The following MECOM variants were observed in gnomAD, a reference collection of about 807,000 sequenced individuals.
MECOM encodes histone-lysine N-methyltransferase MECOM.
A neutral mutation model predicts 116.3 loss-of-function variants in MECOM; 13 were observed. The ratio of observed to expected loss-of-function variants is 0.11; its 90% CI spans 0.07 to 0.18. MECOM has a LOEUF of 0.18. Ranked by LOEUF, MECOM falls within the 10% of genes least tolerant of loss-of-function variation. The pLI is 1.00. For missense variants in MECOM, 1,299 were observed against 1,509.0 expected, an observed-to-expected ratio of 0.86 and a Z score of 2.31; for synonymous variants, 528 against 535.2, an observed-to-expected ratio of 0.99 and a Z score of 0.19.
chr3:169,100,180 C>A (rs1286591706), intron 12 of MECOM, among the ~76,000 whole-genome samples: 1 of 147,286 alleles, frequency 6.8e-6, no homozygotes, highest in African/African-American at 2.5e-5. Context: ...CTCACTGCAA[C>A]CTCCACCTCC....
chr3:169,087,578 C>T (rs1718228857), intron 16 of MECOM, among the ~76,000 whole-genome samples: 1 of 152,098 alleles, frequency 6.6e-6, no homozygotes, highest in Admixed American at 6.6e-5. Context: ...GTCTTAGCAG[C>T]TGAGTGAGAC....
At chr3:169,420,049 C>T (rs1240784201) in intron 1 of MECOM, among the ~76,000 whole-genome samples, 5 of 152,102 alleles carry the variant, frequency 3.3e-5, no homozygotes, top group Non-Finnish European at 7.4e-5. Flanking sequence ...CAAATCAAAA[C>T]CATAATTAGA....
In MECOM at chr3:169,495,154, G is replaced by A. The variant is rs116714076; in HGVS notation, c.38-113630C>T. 1.8e-3 allele frequency among the ~76,000 whole-genome samples: 281 copies of A among 152,054 alleles called. 1 individual carries two copies. Among genetic ancestry groups the A allele is most frequent in the Middle Eastern group, 0.01 (3 of 294 alleles). ...TTTCATCAGTGCTATTTTCCAACCC[G>A]TTAATCATTTTCATTGCTCTCCCCT... is the stretch of plus-strand genomic sequence containing the variant. On this transcript the variant is annotated intron_variant, in intron 1 of 16. Coordinates refer to ENST00000651503, the MANE Select transcript of MECOM (RefSeq NM_004991.4).
chr3:169,606,418 A>G (rs928916513), intron 1 of MECOM, among the ~76,000 whole-genome samples: 13 of 151,948 alleles, frequency 8.6e-5, no homozygotes, highest in South Asian at 4.2e-4. Context: ...CAAAAAAAAA[A>G]AAAAAGAAAA....
chr3:169,155,221 G>A (rs763040941), intron 2 of MECOM, among the ~76,000 whole-genome samples: 12 of 152,190 alleles, frequency 7.9e-5, no homozygotes, highest in Admixed American at 2.0e-4. Flanking sequence ...TTGATGCAGT[G>A]ATGATTCTTT....
chr3:169,647,336 T>G lies in MECOM; in HGVS notation c.37+16000A>C, dbSNP rs972307758. On this transcript the variant is annotated intron_variant, in intron 1 of 16. Coordinates refer to ENST00000651503, the MANE Select transcript of MECOM (RefSeq NM_004991.4). ...TGTGAGGATTAACTGCAGTGACGCA[T>G]GAACACTCAACAACCTTGACTGGCG... Among the ~76,000 whole-genome samples the G allele has an allele frequency of 4.6e-5, 7 of 152,360 alleles. No homozygotes were observed. In the South Asian group the frequency reaches 1.2e-3, roughly 27 times the overall value.
At chr3:169,247,210 T>C (rs1009079451) in intron 2 of MECOM, among the ~76,000 whole-genome samples, 3 of 152,190 alleles carry the variant, frequency 2.0e-5, no homozygotes, top group African/African-American at 7.2e-5. Flanking sequence ...TCATTCAGTA[T>C]TATTTAAAAA....
intron 1 of MECOM, among the ~76,000 whole-genome samples, chr3:169,646,868 T>A (rs1362227830): frequency 6.6e-6 from 1 of 152,124 alleles, no homozygotes; most frequent in East Asian, 1.9e-4. Context: ...GACATTTGGA[T>A]CTCCCTAAAC....
intron 1 of MECOM, among the ~76,000 whole-genome samples, chr3:169,446,920 G>T (rs1194706550): frequency 6.6e-6 from 1 of 152,160 alleles, no homozygotes; most frequent in Non-Finnish European, 1.5e-5. Flanking sequence ...ACATGCCATT[G>T]TGGTTCACTA....
intron 1 of MECOM, among the ~76,000 whole-genome samples, chr3:169,395,964 G>A (rs116809496): frequency 0.014 from 2,062 of 152,170 alleles, 22 homozygotes; most frequent in Middle Eastern, 0.041. Flanking sequence ...TATAAAAATG[G>A]AAGAATACAG....
At chr3:169,369,118 C>T (rs1409775992) in intron 2 of MECOM, among the ~76,000 whole-genome samples, 1 of 151,906 alleles carries the variant, frequency 6.6e-6, no homozygotes, top group Non-Finnish European at 1.5e-5. Context: ...AGAGGTTGCC[C>T]AAACAGCAGT....
At chr3:169,635,495 G>A (rs1772622971) in intron 1 of MECOM, among the ~76,000 whole-genome samples, 1 of 152,134 alleles carries the variant, frequency 6.6e-6, no homozygotes, top group Admixed American at 6.5e-5. Context: ...TAAAACAAAG[G>A]AGGTGGTTCT....
At chr3:169,298,409 A>C (rs1646783681) in intron 2 of MECOM, among the ~76,000 whole-genome samples, 1 of 151,908 alleles carries the variant, frequency 6.6e-6, no homozygotes, top group African/African-American at 2.4e-5. Context: ...GCAGAGAGAA[A>C]TGTGTCTTTA....
rs1046697645 is a variant in MECOM, at chr3:169,211,536, T to C, written c.376-67704A>G. Among the ~76,000 whole-genome samples the C allele has an allele frequency of 7.9e-5, 12 of 152,272 alleles. 1 individual carries two copies. The highest frequency in any genetic ancestry group is 6.5e-4 in the Admixed American group (10 of 15,270). Reference sequence around the variant, plus strand: ...AGTGATATTATGTGCCACTGACCAATACTTCTTTCTTTAAATATGCTCTTT... The same window carrying C: ...AGTGATATTATGTGCCACTGACCAACACTTCTTTCTTTAAATATGCTCTTT... On this transcript the variant is annotated intron_variant, in intron 2 of 16. Coordinates refer to ENST00000651503, the MANE Select transcript of MECOM (RefSeq NM_004991.4).
intron 1 of MECOM, among the ~76,000 whole-genome samples, chr3:169,553,824 G>A (rs1307966681): frequency 6.6e-6 from 1 of 152,116 alleles, no homozygotes; most frequent in African/African-American, 2.4e-5. Flanking sequence ...TGTCCTAATT[G>A]TCTTTTCTTA....
intron 2 of MECOM, among the ~76,000 whole-genome samples, chr3:169,340,898 A>G (rs899475272): frequency 2.0e-5 from 3 of 152,194 alleles, no homozygotes; most frequent in African/African-American, 7.2e-5. Context: ...TGCAGAGGGA[A>G]ATAGATATGA....
chr3:169,499,314 T>C (rs1754226743), intron 1 of MECOM, among the ~76,000 whole-genome samples: 1 of 103,960 alleles, frequency 9.6e-6, no homozygotes, highest in Admixed American at 1.2e-4. Flanking sequence ...AGAAAAATCT[T>C]AAGCTTGCAG....
At chr3:169,209,950 A>G (rs1451918229) in intron 2 of MECOM, among the ~76,000 whole-genome samples, 1 of 152,204 alleles carries the variant, frequency 6.6e-6, no homozygotes, top group Non-Finnish European at 1.5e-5. Context: ...CATGGAACCA[A>G]TCCAAATGCT....
intron 2 of MECOM, among the ~76,000 whole-genome samples, chr3:169,338,632 T>TGTGTGTGTGTGTGTG (rs199867460): frequency 2.0e-5 from 3 of 149,628 alleles, no homozygotes; most frequent in East Asian, 2.0e-4. Context: ...TGTGTGTGTG[T>TGTGTGTGTGTGTGTG]TGGGAAGCAT....
Sources: allele counts gnomAD v4.1 joint callset (sites outside exome capture counted in the v4.1 genomes callset), GRCh38; gene constraint gnomAD v4.1.1; transcripts MANE v1.5; gene names NCBI Gene and HGNC (gene_info 2026-07-23, HGNC 2026-07-21).